The following ANXA13 variants were observed in gnomAD, a reference collection of about 807,000 sequenced individuals.
ANXA13 encodes the protein annexin XIII.
ANXA13 carries 36 observed loss-of-function variants against 46.6 expected under a neutral mutation model. That is an observed-to-expected ratio of 0.77 (90% CI 0.59 to 1.02). The LOEUF is 1.02. Among genes scored for constraint, ANXA13 ranks in the 50% least tolerant of loss-of-function variants. The pLI is 0.00. For synonymous variants in ANXA13, 163 were observed against 152.9 expected (o/e 1.07, Z -0.49); for missense variants, 417 against 396.5 (o/e 1.05, Z -0.44).
In ANXA13 at chr8:123,719,763, T is replaced by C. The variant is rs551346864; in HGVS notation, c.16-7010A>G. 1.1e-4 allele frequency among the ~76,000 whole-genome samples: 16 copies of C among 152,316 alleles called. No homozygotes were observed. In the East Asian group the frequency reaches 1.7e-3, roughly 17 times the overall value. Reference sequence around the variant, plus strand: ...TCTAATCATGACATAATAGTCCACATAGTGTGGACTTGGGAGTCAGACCTA... The same window carrying C: ...TCTAATCATGACATAATAGTCCACACAGTGTGGACTTGGGAGTCAGACCTA... On this transcript the variant is annotated intron_variant, in intron 1 of 10. Coordinates refer to ENST00000419625, the MANE Select transcript of ANXA13 (RefSeq NM_004306.4).
chr8:123,713,262 G>C (rs769537452), intron 1 of ANXA13, among the ~76,000 whole-genome samples: 6 of 152,166 alleles, frequency 3.9e-5, no homozygotes, highest in Admixed American at 1.3e-4. Flanking sequence ...GTAGGAACCA[G>C]TAAAAGCACA....
At position 123,688,885 on chromosome 8, in the gene ANXA13, G is replaced by A. The variant is rs780553268; in HGVS notation, c.704C>T (p.Ala235Val). 6.2e-7 allele frequency: 1 copy of A among 1,613,640 alleles called. No individual in the cohort carries two copies. Among genetic ancestry groups the A allele is most frequent in the Non-Finnish European group, 8.5e-7 (1 of 1,179,820 alleles). Residue 235 changes from alanine to valine, a missense_variant, in exon 9 of 11, where the codon GCC becomes GTC. Physicochemically the swap from Ala to Val is moderately conservative, Grantham distance 64 (BLOSUM62 0). Transcript: ENST00000419625. ...EEETSGDLQK[A>V]YLTLVRCAQD... ...CTTTACTTTACCGAGAGTTAAATAG[G>A]CCTTCTGCAAGTCGCCTGATGTTTC...
intron 1 of ANXA13, among the ~76,000 whole-genome samples, chr8:123,714,305 T>C (rs1277952089): frequency 6.6e-6 from 1 of 152,176 alleles, no homozygotes; most frequent in African/African-American, 2.4e-5. Flanking sequence ...GGAGTGAAGA[T>C]GTAATCCAAG....
intron 2 of ANXA13, among the ~76,000 whole-genome samples, chr8:123,707,001 G>A (rs1242620998): frequency 6.6e-6 from 1 of 152,222 alleles, no homozygotes; most frequent in African/African-American, 2.4e-5. Context: ...CTGGACAGAT[G>A]AGGCATCTCG....
chr8:123,732,990 T>C (rs1245851951), intron 1 of ANXA13, among the ~76,000 whole-genome samples: 3 of 151,480 alleles, frequency 2.0e-5, no homozygotes, highest in Non-Finnish European at 4.4e-5. Context: ...CTGGGCAACA[T>C]AGGATGACCC....
chr8:123,693,584 A>T, intron 7 of ANXA13, 127 bp downstream of exon 7: 1 of 821,904 alleles, frequency 1.2e-6, no homozygotes, highest in Non-Finnish European at 1.9e-6. Context: ...ATCTAGAAAG[A>T]TCTAAGCATA....
At chr8:123,711,274 T>C (rs1813652108) in intron 2 of ANXA13, among the ~76,000 whole-genome samples, 1 of 152,208 alleles carries the variant, frequency 6.6e-6, no homozygotes. Context: ...CAACAACACC[T>C]ATGAAGGCAT....
chr8:123,681,116 C>G lies in ANXA13; in HGVS notation c.*124G>C, dbSNP rs1313235029. The G allele has an allele frequency of 6.7e-6, 9 of 1,347,582 alleles. No individual in the cohort carries two copies. The highest frequency in any genetic ancestry group is 8.9e-6 in the Non-Finnish European group (9 of 1,007,582). 83.5% of individuals were successfully genotyped at this position (1,347,582 alleles called of 1,614,324 possible). ...GCTTGGCCTGGCTGCGCCACTTAAG[C>G]TGCCAAGAAAGTAATCCGGGACTCT... On this transcript the variant is annotated 3_prime_UTR_variant, in exon 11 of 11. Transcript: ENST00000419625.
At chr8:123,722,513 T>C (rs1813903084) in intron 1 of ANXA13, among the ~76,000 whole-genome samples, 1 of 152,128 alleles carries the variant, frequency 6.6e-6, no homozygotes, top group African/African-American at 2.4e-5. Context: ...GATCAATAAA[T>C]ATTCTCGATG....
In ANXA13 at chr8:123,681,043, A is replaced by C; in HGVS notation, c.*197T>G. Reference sequence around the variant, plus strand: ...CTAGATGCTTGCTAAGCCAGAGTTCAAGGTGCCCTGCCCACGCATCTTAAC... The same window carrying C: ...CTAGATGCTTGCTAAGCCAGAGTTCCAGGTGCCCTGCCCACGCATCTTAAC... On this transcript the variant is annotated 3_prime_UTR_variant, in exon 11 of 11. Transcript: ENST00000419625. 1.7e-6 allele frequency: 1 copy of C among 605,202 alleles called. No homozygotes were observed. Among genetic ancestry groups the C allele is most frequent in the South Asian group, 3.7e-5 (1 of 26,768 alleles). 37.5% of individuals were successfully genotyped at this position (605,202 alleles called of 1,614,324 possible).
chr8:123,726,809 C>T (rs1814007800), intron 1 of ANXA13, among the ~76,000 whole-genome samples: 1 of 152,158 alleles, frequency 6.6e-6, no homozygotes, highest in South Asian at 2.1e-4. Flanking sequence ...AACCCAAATG[C>T]CCATCAATCA....
chr8:123,705,810 A>G (rs1023079918), intron 2 of ANXA13, among the ~76,000 whole-genome samples: 22 of 152,124 alleles, frequency 1.4e-4, no homozygotes, highest in African/African-American at 5.3e-4. Flanking sequence ...AATGGAGGGA[A>G]ACTAGCTGGA....
At chr8:123,681,909 GCCA>G (rs1289170568) in intron 10 of ANXA13, among the ~76,000 whole-genome samples, 3 of 152,156 alleles carry the variant, frequency 2.0e-5, no homozygotes, top group Non-Finnish European at 4.4e-5. Flanking sequence ...ACAGGCGTGA[GCCA>G]CCGTGCCTGG....
chr8:123,712,844 A>ATTTG, intron 1 of ANXA13, 91 bp from the exon 2 acceptor site: 7 of 1,087,234 alleles, frequency 6.4e-6, no homozygotes, highest in Non-Finnish European at 8.3e-6. Flanking sequence ...AGGACCAAAT[A>ATTTG]GTCATCCTAA....
intron 8 of ANXA13, among the ~76,000 whole-genome samples, chr8:123,691,313 T>C (rs974722514): frequency 1.3e-5 from 2 of 152,128 alleles, no homozygotes; most frequent in African/African-American, 4.8e-5. Flanking sequence ...TCTAAAAACA[T>C]CAGCAATAAA....
chr8:123,733,412 A>G (rs2129955705), intron 1 of ANXA13, among the ~76,000 whole-genome samples: 1 of 152,144 alleles, frequency 6.6e-6, no homozygotes, highest in Non-Finnish European at 1.5e-5. Flanking sequence ...TTTTCTCAGG[A>G]ATCTGGATCT....
chr8:123,700,835 T>G (rs1813433262), intron 3 of ANXA13, among the ~76,000 whole-genome samples: 1 of 151,980 alleles, frequency 6.6e-6, no homozygotes, highest in African/African-American at 2.4e-5. Context: ...TTTTCTTTCT[T>G]TCCTTTCCAC....
intron 1 of ANXA13, among the ~76,000 whole-genome samples, chr8:123,717,766 T>C (rs1239637375): frequency 6.6e-6 from 1 of 152,132 alleles, no homozygotes; most frequent in Non-Finnish European, 1.5e-5. Flanking sequence ...TAGTAGGGAG[T>C]AGGCCGAGGC....
At chr8:123,725,182 T>C (rs1813959462) in intron 1 of ANXA13, among the ~76,000 whole-genome samples, 1 of 152,248 alleles carries the variant, frequency 6.6e-6, no homozygotes, top group African/African-American at 2.4e-5. Context: ...TAAAATTTCC[T>C]TTTAAGATTA....
Sources: allele counts gnomAD v4.1 joint callset (sites outside exome capture counted in the v4.1 genomes callset), GRCh38; gene constraint gnomAD v4.1.1; transcripts MANE v1.5; gene names NCBI Gene and HGNC (gene_info 2026-07-23, HGNC 2026-07-21).